CACNA1B: variants seen among roughly 807,000 people sequenced by gnomAD.
The protein encoded by CACNA1B is voltage-dependent N-type calcium channel subunit alpha-1B.
Under a neutral mutation model 247.2 loss-of-function variants are expected in CACNA1B, and 70 were observed. The observed-to-expected ratio is 0.28, with a 90% CI of 0.23 to 0.35. The LOEUF is 0.35. CACNA1B is among the 10% of genes least tolerant of loss of function. CACNA1B has a pLI of 1.00. For missense variants in CACNA1B, 2,367 were observed against 3,197.4 expected (o/e 0.74, Z 6.26); for synonymous variants, 1,231 against 1,294.4 (o/e 0.95, Z 1.05).
At chr9:138,091,128 A>T (rs922878058) in intron 36 of CACNA1B, among the ~76,000 whole-genome samples, 1 of 152,190 alleles carries the variant, frequency 6.6e-6, no homozygotes, top group African/African-American at 2.4e-5. Context: ...AAGATATGGA[A>T]TCAACTTAAG....
In CACNA1B at chr9:137,880,663, G is replaced by A. The variant is rs567644188; in HGVS notation, c.390+1504G>A. Among the ~76,000 whole-genome samples, 6 of 152,298 alleles carry A rather than the reference G, an allele frequency of 3.9e-5. No individual in the cohort carries two copies. The highest frequency in any genetic ancestry group is 1.4e-4 in the African/African-American group (6 of 41,572). On this transcript the variant is annotated intron_variant, in intron 2 of 46. Coordinates refer to ENST00000371372, the MANE Select transcript of CACNA1B (RefSeq NM_000718.4). The surrounding 1 kb of genome is among the most constrained non-coding windows in gnomAD (Gnocchi z 4.8). ...TCTAGGAGTGGCGAGCTAACCTGTT[G>A]GGAAAACTGCAGAACATGCCCGCCC... is the stretch of plus-strand genomic sequence containing the variant.
chr9:138,036,140 A>AT (rs953525931), intron 20 of CACNA1B, among the ~76,000 whole-genome samples: 86 of 145,562 alleles, frequency 5.9e-4, no homozygotes, highest in South Asian at 1.3e-3. Flanking sequence ...AGCTTTCCTA[A>AT]TTTTTTTTTT....
intron 3 of CACNA1B, among the ~76,000 whole-genome samples, chr9:137,894,302 A>ATTTTTTTTTTT (rs56794355): frequency 1.5e-4 from 14 of 96,074 alleles, no homozygotes; most frequent in African/African-American, 2.5e-4. Context: ...TTGTCTCTGT[A>ATTTTTTTTTTT]TTTTTTTTTT....
intron 3 of CACNA1B, among the ~76,000 whole-genome samples, chr9:137,889,276 C>CG (rs1185432290): frequency 6.7e-6 from 1 of 150,192 alleles, no homozygotes; most frequent in Non-Finnish European, 1.5e-5. Context: ...TGCAGCCCTG[C>CG]GGGAGGTGCA....
At chr9:138,006,609 C>T (rs567443093) in intron 15 of CACNA1B, among the ~76,000 whole-genome samples, 158 bp from the exon 16 acceptor site, 1 of 152,316 alleles carries the variant, frequency 6.6e-6, no homozygotes, top group Admixed American at 6.5e-5. Context: ...GATGCCCAGA[C>T]CTTCGGAGAC....
intron 39 of CACNA1B, among the ~76,000 whole-genome samples, chr9:138,107,984 CA>C (rs902680099): frequency 9.8e-5 from 7 of 71,076 alleles, no homozygotes; most frequent in East Asian, 4.0e-4. Context: ...GACTCTGTCT[CA>C]AAAAAAAAAG....
intron 36 of CACNA1B, 23 bp downstream of exon 36, chr9:138,078,281 C>T: frequency 1.2e-6 from 2 of 1,610,112 alleles, no homozygotes; most frequent in Non-Finnish European, 1.7e-6. Flanking sequence ...CACTGTGCCC[C>T]TCCCAGTGCC....
intron 31 of CACNA1B, among the ~76,000 whole-genome samples, chr9:138,066,672 T>C (rs1959929049): frequency 6.6e-6 from 1 of 152,034 alleles, no homozygotes; most frequent in Non-Finnish European, 1.5e-5. Flanking sequence ...TGATGGAAAT[T>C]AGAAAATATA....
At position 137,954,879 on chromosome 9, in the gene CACNA1B, T is replaced by TGTGTGTGTGTGTGTGA. The variant is rs1440887333; in HGVS notation, c.1071-818_1071-817insTGTGTGTGTGTGTGAG. ...GCTTGTGTGTGTGTGTGTGTGTGTG[T>TGTGTGTGTGTGTGTGA]GAGAGAGAGAGAGAGAGAGAGAGGG... On this transcript the variant is annotated intron_variant, in intron 7 of 46. Coordinates refer to ENST00000371372, the MANE Select transcript of CACNA1B (RefSeq NM_000718.4). This position sits in a 1 kb window ranked among gnomAD's most constrained non-coding sequence, Gnocchi z 4.1. Among the ~76,000 whole-genome samples, 37 of 145,286 alleles carry TGTGTGTGTGTGTGTGA rather than the reference T, an allele frequency of 2.5e-4. No individual in the cohort carries two copies. Among genetic ancestry groups the TGTGTGTGTGTGTGTGA allele is most frequent in the South Asian group, 1.8e-3 (8 of 4,518 alleles).
At position 138,052,331 on chromosome 9, in the gene CACNA1B, A is replaced by G; in HGVS notation, c.3807+143A>G. 3 of 597,332 alleles carry G rather than the reference A, an allele frequency of 5.0e-6. No homozygotes were observed. Among genetic ancestry groups the G allele is most frequent in the Non-Finnish European group, 3.0e-6 (1 of 330,484 alleles). 37.0% of individuals were successfully genotyped at this position (597,332 alleles called of 1,614,324 possible). A position where few individuals can be genotyped will look rare whatever the true frequency, so the allele number is the denominator to read the frequency against. ...CTGTGTGAGGGGGTTGGGCTCACTC[A>G]GCTGTAAGCCCCCATTACCCAAGTA... On this transcript the variant is annotated intron_variant, in intron 25 of 46. Coordinates refer to ENST00000371372, the MANE Select transcript of CACNA1B (RefSeq NM_000718.4). The surrounding 1 kb of genome is among the most constrained non-coding windows in gnomAD (Gnocchi z 5.1).
chr9:138,092,251 G>GAGGGC (rs1262935607), intron 36 of CACNA1B, among the ~76,000 whole-genome samples: 2 of 152,188 alleles, frequency 1.3e-5, no homozygotes, highest in Non-Finnish European at 2.9e-5. Flanking sequence ...CAGCAAGCCT[G>GAGGGC]AGGGCACTGC....
At chr9:137,984,325 G>T (rs1050283264) in intron 13 of CACNA1B, 75 bp downstream of exon 13, 7 of 996,794 alleles carry the variant, frequency 7.0e-6, no homozygotes, top group Non-Finnish European at 1.1e-5. Flanking sequence ...CAGGGTGCTT[G>T]TCCCCAGGAG....
chr9:138,088,058 A>G (rs372568637), intron 36 of CACNA1B, among the ~76,000 whole-genome samples: 130 of 152,274 alleles, frequency 8.5e-4, no homozygotes, highest in African/African-American at 3.0e-3. Flanking sequence ...AGATGAAAAC[A>G]TTACAAAAGA....
intron 15 of CACNA1B, among the ~76,000 whole-genome samples, chr9:137,999,746 C>T (rs1031096352): frequency 3.1e-4 from 47 of 151,784 alleles, no homozygotes; most frequent in Admixed American, 1.2e-3. Flanking sequence ...TGGGCTCAAG[C>T]GATCCTCCCA....
intron 20 of CACNA1B, among the ~76,000 whole-genome samples, chr9:138,038,355 G>A (rs1959072878): frequency 6.6e-6 from 1 of 152,174 alleles, no homozygotes; most frequent in Non-Finnish European, 1.5e-5. Flanking sequence ...TCCTGTCCCC[G>A]ATCTGGAATT....
rs939832976 is a variant in CACNA1B at position 137,995,257 on chromosome 9, G to A, written c.1974+8403G>A. ...AATCAGCAAAAAGAACAAAGCTGGAGGCATCACATTACCCAACTTCAAACT... is the reference window on the plus strand; with the variant it reads ...AATCAGCAAAAAGAACAAAGCTGGAAGCATCACATTACCCAACTTCAAACT... On this transcript the variant is annotated intron_variant, in intron 15 of 46. Transcript: ENST00000371372. Among the ~76,000 whole-genome samples, 102 of 151,376 alleles carry A rather than the reference G, an allele frequency of 6.7e-4. 2 individuals are homozygous for A. The highest frequency in any genetic ancestry group is 2.1e-4 in the Non-Finnish European group (14 of 67,940).
chr9:138,051,660 C>T lies in CACNA1B; in HGVS notation c.3711-432C>T, dbSNP rs1461574077. Among the ~76,000 whole-genome samples, 2 of 152,014 alleles carry T rather than the reference C, an allele frequency of 1.3e-5. No homozygotes were observed. The highest frequency in any genetic ancestry group is 3.9e-4 in the East Asian group (2 of 5,150). ...CTGTAGGGCAGAGGCCAGACAGGTC[C>T]CCTTTACCTCCCTCTAGCCAGCCCA... On this transcript the variant is annotated intron_variant, in intron 24 of 46. Transcript: ENST00000371372. The surrounding 1 kb of genome is among the most constrained non-coding windows in gnomAD (Gnocchi z 4.3).
intron 6 of CACNA1B, among the ~76,000 whole-genome samples, chr9:137,945,711 A>G (rs1160160842): frequency 2.0e-5 from 3 of 152,270 alleles, no homozygotes; most frequent in East Asian, 3.8e-4. Flanking sequence ...CTTAGGCAAC[A>G]TAAATTATAC....
rs1957388306 is a variant in CACNA1B at position 137,914,330 on chromosome 9, A to G, written c.623-324A>G. Reference sequence around the variant, plus strand: ...TCCTCTCAGGATTCTCTGTTGCCCCACCCTGAGCCCCACTCCCCACCCCAG... The same window carrying G: ...TCCTCTCAGGATTCTCTGTTGCCCCGCCCTGAGCCCCACTCCCCACCCCAG... On this transcript the variant is annotated intron_variant, in intron 4 of 46. Coordinates refer to ENST00000371372, the MANE Select transcript of CACNA1B (RefSeq NM_000718.4). This position sits in a 1 kb window ranked among gnomAD's most constrained non-coding sequence, Gnocchi z 4.3. 6.8e-6 allele frequency among the ~76,000 whole-genome samples: 1 copy of G among 147,910 alleles called. No individual in the cohort carries two copies. The highest frequency in any genetic ancestry group is 1.5e-5 in the Non-Finnish European group (1 of 67,026).
Sources: gnomAD v4.1 joint callset for allele counts (sites outside exome capture counted in the v4.1 genomes callset) on GRCh38, gnomAD v4.1.1 for gene constraint, Gnocchi (gnomAD v3.1) non-coding constraint, MANE v1.5 for transcripts, NCBI Gene and HGNC (gene_info 2026-07-23, HGNC 2026-07-21) for gene names.